ANGPT2: variants seen among roughly 807,000 people sequenced by gnomAD.
The protein encoded by ANGPT2 is angiopoietin-2.
A neutral mutation model predicts 62.9 loss-of-function variants in ANGPT2; 28 were observed. That is an observed-to-expected ratio of 0.44 (90% confidence interval 0.33 to 0.61). The LOEUF (loss-of-function observed/expected upper bound fraction) is 0.61, where lower values mean the gene tolerates loss of function less well. Among genes scored for constraint, ANGPT2 ranks in the 20% least tolerant of loss-of-function variants. The pLI is 0.03. For synonymous variants in ANGPT2, 284 were observed against 207.8 expected (o/e 1.37, Z -3.15); for missense variants, 727 against 594.9 (o/e 1.22, Z -2.31).
chr8:6,507,021 C>T (rs955665013), intron 8 of ANGPT2, among the ~76,000 whole-genome samples: 1 of 152,052 alleles, frequency 6.6e-6, no homozygotes, highest in African/African-American at 2.4e-5. Flanking sequence ...CCTCAGCCTC[C>T]TGAGTAGCTG....
intron 1 of ANGPT2, among the ~76,000 whole-genome samples, chr8:6,562,219 G>T (rs1453658200): frequency 1.3e-5 from 2 of 152,092 alleles, no homozygotes; most frequent in African/African-American, 2.4e-5. Context: ...TGGTTGTCAC[G>T]GTCTCTCTGG....
chr8:6,502,976 C>G lies in ANGPT2; in HGVS notation c.*125G>C. On this transcript the variant is annotated 3_prime_UTR_variant, in exon 9 of 9. Coordinates refer to ENST00000629816, the MANE Select transcript of ANGPT2 (RefSeq NM_001118887.2). Reference sequence around the variant, plus strand: ...GGCTCTAATCTGGAGCATGTGGGTCCCGTCAGCACCGAGCACACGCCCTCT... The same window carrying G: ...GGCTCTAATCTGGAGCATGTGGGTCGCGTCAGCACCGAGCACACGCCCTCT... 9.0e-7 allele frequency: 1 copy of G among 1,106,988 alleles called. No individual in the cohort carries two copies. The highest frequency in any genetic ancestry group is 1.3e-6 in the Non-Finnish European group (1 of 775,332). The allele number at this position is 1,106,988 out of a possible 1,614,324, so 68.6% of individuals were successfully genotyped here. A position where few individuals can be genotyped will look rare whatever the true frequency, so the allele number is the denominator to read the frequency against.
intron 1 of ANGPT2, among the ~76,000 whole-genome samples, chr8:6,538,498 C>G (rs1039116423): frequency 3.3e-5 from 5 of 152,104 alleles, no homozygotes; most frequent in Non-Finnish European, 7.4e-5. Context: ...AGACACACAC[C>G]GCCTCCTGAC....
chr8:6,515,442 C>A (rs1013263434), intron 5 of ANGPT2, among the ~76,000 whole-genome samples: 1 of 152,160 alleles, frequency 6.6e-6, no homozygotes, highest in Non-Finnish European at 1.5e-5. Context: ...CATGACTTCA[C>A]GCTTCTCTGT....
chr8:6,543,308 G>A (rs983045193), intron 1 of ANGPT2, among the ~76,000 whole-genome samples: 1 of 152,186 alleles, frequency 6.6e-6, no homozygotes, highest in African/African-American at 2.4e-5. Context: ...GTCCGCAAAT[G>A]TGTTTGTACA....
chr8:6,561,411 A>T (rs766182514), intron 1 of ANGPT2, among the ~76,000 whole-genome samples: 1 of 152,242 alleles, frequency 6.6e-6, no homozygotes, highest in Non-Finnish European at 1.5e-5. Context: ...TCAAATAATA[A>T]CTTAGTCGTT....
chr8:6,510,834 C>G (rs925035822), intron 7 of ANGPT2, among the ~76,000 whole-genome samples: 2 of 152,288 alleles, frequency 1.3e-5, no homozygotes, highest in East Asian at 1.9e-4. Context: ...TAAGGCAGCC[C>G]TAGAAACTTC....
At chr8:6,516,065 C>A (rs560107094) in intron 5 of ANGPT2, among the ~76,000 whole-genome samples, 71 of 152,302 alleles carry the variant, frequency 4.7e-4, no homozygotes, top group Non-Finnish European at 7.6e-4. Flanking sequence ...GAAGGTCACC[C>A]AGCTCGTATT....
At chr8:6,529,259 C>G (rs7825407) in intron 2 of ANGPT2, among the ~76,000 whole-genome samples, 35,664 of 152,072 alleles carry the variant, frequency 0.23, 4,972 homozygotes, top group East Asian at 0.52. Context: ...TATGAGACCT[C>G]CAGCCACCCA....
intron 7 of ANGPT2, 110 bp from the exon 8 acceptor site, chr8:6,509,172 G>T (rs759123482): frequency 5.1e-6 from 7 of 1,367,670 alleles, no homozygotes; most frequent in East Asian, 2.3e-5. Flanking sequence ...TTCTGTACTC[G>T]TTAATGGACT....
chr8:6,517,369 C>T (rs1390656801), intron 5 of ANGPT2, among the ~76,000 whole-genome samples: 1 of 152,194 alleles, frequency 6.6e-6, no homozygotes, highest in Non-Finnish European at 1.5e-5. Flanking sequence ...ACCATAGAGA[C>T]AACCGTTAGG....
At chr8:6,551,382 T>C in intron 1 of ANGPT2, among the ~76,000 whole-genome samples, 1 of 148,728 alleles carries the variant, frequency 6.7e-6, no homozygotes, top group South Asian at 2.1e-4. Flanking sequence ...GCCAATTATG[T>C]AACTGTAAAC....
At chr8:6,511,066 C>T (rs1248760858) in intron 7 of ANGPT2, among the ~76,000 whole-genome samples, 5 of 152,196 alleles carry the variant, frequency 3.3e-5, no homozygotes, top group African/African-American at 1.2e-4. Context: ...TCTTTTAACT[C>T]TCTCTTGTCT....
chr8:6,532,411 G>A lies in ANGPT2; in HGVS notation c.365C>T (p.Ala122Val). 6.2e-7 allele frequency: 1 copy of A among 1,614,010 alleles called. No homozygotes were observed. Among genetic ancestry groups the A allele is most frequent in the Non-Finnish European group, 8.5e-7 (1 of 1,179,988 alleles). The change falls in exon 2 of 9, where the codon GCT becomes GTT. Residue 122 changes from alanine to valine, a missense_variant. By Grantham distance (64) the Ala-to-Val change is moderately conservative. Transcript: ENST00000629816. Reference protein sequence around the residue: ...IQQNAVQNQTAVMIEIGTNLL... With the variant: ...IQQNAVQNQTVVMIEIGTNLL... The stretch of plus-strand genomic sequence containing the variant: ...GTTTGTCCCTATTTCTATCATCACA[G>A]CCGTCTGGTTCTGTACTGCATTCTG...
At chr8:6,508,520 C>G (rs1384202467) in intron 8 of ANGPT2, 3 of 240,886 alleles carry the variant, frequency 1.2e-5, no homozygotes, top group Non-Finnish European at 2.3e-5. Flanking sequence ...CTTCTTTGAA[C>G]ATTAAATTAT....
At chr8:6,556,580 G>C (rs2129575400) in intron 1 of ANGPT2, among the ~76,000 whole-genome samples, 1 of 152,038 alleles carries the variant, frequency 6.6e-6, no homozygotes, top group South Asian at 2.1e-4. Context: ...AAAGCATAGT[G>C]TCCCCCTGGG....
intron 3 of ANGPT2, among the ~76,000 whole-genome samples, chr8:6,525,766 C>G (rs575600967): frequency 1.3e-5 from 2 of 152,182 alleles, no homozygotes; most frequent in African/African-American, 4.8e-5. Context: ...ATGAAAAAAA[C>G]CTTTTTATTT....
At chr8:6,552,863 A>T (rs79992356) in intron 1 of ANGPT2, among the ~76,000 whole-genome samples, 1 of 151,992 alleles carries the variant, frequency 6.6e-6, no homozygotes, top group Non-Finnish European at 1.5e-5. Context: ...CAGTCCGAAA[A>T]GGCTGTATAT....
intron 8 of ANGPT2, among the ~76,000 whole-genome samples, chr8:6,506,772 G>A (rs1813807778): frequency 1.3e-5 from 2 of 151,170 alleles, no homozygotes; most frequent in Admixed American, 1.3e-4. Flanking sequence ...AGGAACCAGA[G>A]GATTGCTTTT....
Sources: gnomAD v4.1 joint callset for allele counts (sites outside exome capture counted in the v4.1 genomes callset) on GRCh38, gnomAD v4.1.1 for gene constraint, MANE v1.5 for transcripts, NCBI Gene and HGNC (gene_info 2026-07-23, HGNC 2026-07-21) for gene names.